The following TRPC3 variants were observed in gnomAD, a reference collection of about 807,000 sequenced individuals.
TRPC3 encodes transient receptor potential cation channel subfamily C member 3.
Under a neutral mutation model 90.9 loss-of-function variants are expected in TRPC3, and 54 were observed. That is an observed-to-expected ratio of 0.59 (90% CI 0.48 to 0.75). The LOEUF is 0.75. TRPC3 is among the 30% of genes least tolerant of loss of function. The pLI, the probability that TRPC3 is intolerant of heterozygous loss-of-function variation, is 0.00. For missense variants in TRPC3, 918 were observed against 1,194.5 expected (o/e 0.77, Z 3.41); for synonymous variants, 424 against 450.9 (o/e 0.94, Z 0.75).
At chr4:121,900,603 G>A (rs764435673) in intron 9 of TRPC3, among the ~76,000 whole-genome samples, 6 of 152,128 alleles carry the variant, frequency 3.9e-5, no homozygotes, top group Non-Finnish European at 7.4e-5. Flanking sequence ...TGCTGACTGA[G>A]GTTAGCTGTC....
intron 3 of TRPC3, among the ~76,000 whole-genome samples, chr4:121,918,505 C>G (rs558181185): frequency 2.5e-3 from 375 of 152,282 alleles, no homozygotes; most frequent in Non-Finnish European, 4.5e-3. Flanking sequence ...ACTTGATGGA[C>G]TCAATCCTTC....
chr4:121,890,067 A>C (rs1728269300), intron 10 of TRPC3, among the ~76,000 whole-genome samples: 1 of 152,228 alleles, frequency 6.6e-6, no homozygotes, highest in African/African-American at 2.4e-5. Flanking sequence ...CAGGTACAGA[A>C]AGGCAAATAT....
Position 121,879,473 on chromosome 4 carries a change from T to C in TRPC3, c.*263A>G. On this transcript the variant is annotated 3_prime_UTR_variant, in exon 12 of 12. Transcript: ENST00000379645. ...GGTAGTGCAAAGATGTGGAGTTTAC[T>C]CTAAAATGAATAAAAGTTTCAATAA... The C allele has an allele frequency of 2.8e-6, 1 of 356,840 alleles. No homozygotes were observed. Among genetic ancestry groups the C allele is most frequent in the South Asian group, 3.1e-5 (1 of 32,450 alleles). The allele number at this position is 356,840 out of a possible 1,614,324, so 22.1% of individuals were successfully genotyped here.
At chr4:121,923,508 G>T (rs1729598241) in intron 3 of TRPC3, among the ~76,000 whole-genome samples, 1 of 152,112 alleles carries the variant, frequency 6.6e-6, no homozygotes, top group South Asian at 2.1e-4. Flanking sequence ...ATCACTCTGG[G>T]TATGAATTTT....
At chr4:121,885,190 G>A (rs2149105787) in intron 10 of TRPC3, among the ~76,000 whole-genome samples, 1 of 152,280 alleles carries the variant, frequency 6.6e-6, no homozygotes, top group East Asian at 1.9e-4. Flanking sequence ...CTTTGTTCAT[G>A]TTGGAAAGAT....
chr4:121,926,065 C>T (rs547757057), intron 2 of TRPC3, among the ~76,000 whole-genome samples: 4 of 152,094 alleles, frequency 2.6e-5, no homozygotes, highest in South Asian at 4.1e-4. Context: ...AAAAACACCA[C>T]AAAACAAAAA....
rs1053853735 is a variant in TRPC3 at position 121,951,854 on chromosome 4, A to G, written c.-174T>C. On this transcript the variant is annotated 5_prime_UTR_variant, in exon 1 of 12. The change abolishes the stop of an existing upstream ORF in the 5' untranslated region. Transcript: ENST00000379645. This position sits in a 1 kb window ranked among gnomAD's most constrained non-coding sequence, Gnocchi z 4.4. ...CGTCGCGGCCCGCGATCCAGCAGTT[A>G]GAGGCTAGCGCCGAAGCCGAGCTGC... 1.1e-5 allele frequency: 5 copies of G among 442,640 alleles called. No homozygotes were observed. The highest frequency in any genetic ancestry group is 1.9e-5 in the Non-Finnish European group (5 of 265,416). 27.4% of individuals were successfully genotyped at this position (442,640 alleles called of 1,614,324 possible).
chr4:121,930,324 T>C (rs575338820), intron 2 of TRPC3, among the ~76,000 whole-genome samples: 6 of 152,328 alleles, frequency 3.9e-5, no homozygotes, highest in East Asian at 1.9e-4. Flanking sequence ...CTTAACCTTA[T>C]AGATATTTGG....
intron 8 of TRPC3, 137 bp downstream of exon 8, chr4:121,904,185 G>A: frequency 1.4e-6 from 1 of 690,598 alleles, no homozygotes; most frequent in Non-Finnish European, 2.3e-6. Context: ...AGAAAACACA[G>A]GGAAAGGCTC....
rs190849672 is a variant in TRPC3 at position 121,876,366 on chromosome 4, C to G, written c.*3370G>C. Among the ~76,000 whole-genome samples the G allele has an allele frequency of 2.6e-5, 4 of 152,258 alleles. No homozygotes were observed. Among genetic ancestry groups the G allele is most frequent in the Non-Finnish European group, 5.9e-5 (4 of 67,996 alleles). On this transcript the variant is annotated 3_prime_UTR_variant, in exon 12 of 12. Transcript: ENST00000379645. ...CCACCTTGGATGATGACATTAACCT[C>G]CTAAAACACCTCTATGAGCTCCAGG...
At chr4:121,904,840 T>C (rs1039522078) in intron 7 of TRPC3, among the ~76,000 whole-genome samples, 5 of 152,160 alleles carry the variant, frequency 3.3e-5, no homozygotes, top group African/African-American at 1.2e-4. Flanking sequence ...ATTTGCTGTT[T>C]GATTTTGTAT....
chr4:121,950,362 C>T (rs1730673533), intron 1 of TRPC3, among the ~76,000 whole-genome samples: 1 of 152,228 alleles, frequency 6.6e-6, no homozygotes, highest in Non-Finnish European at 1.5e-5. Context: ...GCAGGGGGCG[C>T]TGCAGAACCT....
chr4:121,895,639 AG>A (rs1392055811), intron 10 of TRPC3, among the ~76,000 whole-genome samples: 30 of 152,242 alleles, frequency 2.0e-4, no homozygotes, highest in African/African-American at 6.3e-4. Flanking sequence ...TGAACCAAGA[AG>A]AAATAGAAAA....
chr4:121,906,138 G>A (rs1360942337), intron 7 of TRPC3, among the ~76,000 whole-genome samples: 4 of 152,016 alleles, frequency 2.6e-5, no homozygotes, highest in African/African-American at 7.2e-5. Flanking sequence ...TTGTCACAAC[G>A]ACCTTATTTA....
Position 121,951,398 on chromosome 4 carries a change from C to A in TRPC3, c.215+68G>T. 9.5e-7 allele frequency: 1 copy of A among 1,057,636 alleles called. No homozygotes were observed. The highest frequency in any genetic ancestry group is 1.2e-6 in the Non-Finnish European group (1 of 856,418). The allele number at this position is 1,057,636 out of a possible 1,614,324, so 65.5% of individuals were successfully genotyped here. A position where few individuals can be genotyped will look rare whatever the true frequency, so the allele number is the denominator to read the frequency against. On this transcript the variant is annotated intron_variant, in intron 1 of 11. Transcript: ENST00000379645. The surrounding 1 kb of genome is among the most constrained non-coding windows in gnomAD (Gnocchi z 4.4). Reference sequence around the variant, plus strand: ...GGGCTCGACGTGGAGCCGCCCGGCGCGCGCCTTCCCGCCCCCCGCCCGGCA... The same window carrying A: ...GGGCTCGACGTGGAGCCGCCCGGCGAGCGCCTTCCCGCCCCCCGCCCGGCA...
chr4:121,897,453 C>CAAAAAAAAAAAAAAAAAAAAAA (rs70950860), intron 10 of TRPC3, among the ~76,000 whole-genome samples: 10 of 43,434 alleles, frequency 2.3e-4, no homozygotes, highest in East Asian at 7.6e-4. Flanking sequence ...ATCTCAACAG[C>CAAAAAAAAAAAAAAAAAAAAAA]AAAAAAAAAA....
In TRPC3 at chr4:121,933,105, T is replaced by A. The variant is rs1328249267; in HGVS notation, c.216-63A>T. The A allele has an allele frequency of 2.0e-6, 3 of 1,499,100 alleles. No individual in the cohort carries two copies. In the Admixed American group the frequency reaches 7.0e-5, roughly 35 times the overall value. The allele number at this position is 1,499,100 out of a possible 1,614,324, so 92.9% of individuals were successfully genotyped here. On this transcript the variant is annotated intron_variant, in intron 1 of 11. Coordinates refer to ENST00000379645, the MANE Select transcript of TRPC3 (RefSeq NM_001130698.2). ...AGGGCACATTCCTTCCTTTCACATG[T>A]CAGGGCCCTTTCTGGAATACACACT...
At chr4:121,923,403 C>A (rs1025257586) in intron 3 of TRPC3, among the ~76,000 whole-genome samples, 1 of 152,172 alleles carries the variant, frequency 6.6e-6, no homozygotes, top group Non-Finnish European at 1.5e-5. Context: ...TAAATTCCTT[C>A]CTGCCTAAAT....
chr4:121,907,365 C>A lies in TRPC3; in HGVS notation c.1995G>T (p.Met665Ile). ...VLFIMVFFAF[M>I]IGMFILYSYY... ...AAGAATAAAGTATGAACATGCCAAT[C>A]ATAAAGGCAAAAAACACCATAATAA... Residue 665 changes from methionine to isoleucine, a missense_variant, in exon 7 of 12, where the codon ATG becomes ATT. Physicochemically the swap from Met to Ile is conservative, Grantham distance 10. Around this residue, in one of 4 missense-constraint regions of TRPC3, gnomAD observed 147 missense variants for 263.5 expected, o/e 0.56. Transcript: ENST00000379645. 6.2e-7 allele frequency: 1 copy of A among 1,613,192 alleles called. No homozygotes were observed. The highest frequency in any genetic ancestry group is 1.1e-5 in the South Asian group (1 of 91,010).
Sources: allele counts gnomAD v4.1 joint callset (sites outside exome capture counted in the v4.1 genomes callset), GRCh38; gene constraint gnomAD v4.1.1; regional missense constraint gnomAD v4.1.1; non-coding constraint Gnocchi (gnomAD v3.1); transcripts MANE v1.5; gene names NCBI Gene and HGNC (gene_info 2026-07-23, HGNC 2026-07-21).